Variants in KLRB1 observed in about 807,000 individuals in gnomAD.
KLRB1 encodes killer cell lectin-like receptor subfamily B member 1.
Under a neutral mutation model 33.5 loss-of-function variants are expected in KLRB1, and 27 were observed. That is an observed-to-expected ratio of 0.81 (90% CI 0.59 to 1.11). The LOEUF (loss-of-function observed/expected upper bound fraction) is 1.11. Ranked by LOEUF, KLRB1 falls within the 50% of genes most tolerant of loss-of-function variation. The probability of loss-of-function intolerance (pLI) is 0.00; values close to 1 mark genes in which losing one functional copy is unlikely to be tolerated. For missense variants in KLRB1, 241 were observed against 254.1 expected (o/e 0.95, Z 0.35); for synonymous variants, 64 against 88.9 (o/e 0.72, Z 1.58).
rs1395647442 is a variant in KLRB1 at position 9,601,595 on chromosome 12, G to C, written c.90C>G (p.Val30=). 2 of 1,606,580 alleles carry C rather than the reference G, an allele frequency of 1.2e-6. No individual in the cohort carries two copies. Among genetic ancestry groups the C allele is most frequent in the African/African-American group, 2.7e-5 (2 of 74,700 alleles). Residue 30 remains valine (V), a synonymous_variant, in exon 2 of 6, where the codon GTC becomes GTG. Transcript: ENST00000229402. The stretch of plus-strand genomic sequence containing the variant: ...ATTGATGCCAAGGTGAACCCTGACA[G>C]ACATCTGAAAAGTTAAAAAGAAAAA... ...SSSPSSLPRD[V]CQGSPWHQFA...
At chr12:9,600,400 T>C (rs1864527940) in intron 2 of KLRB1, among the ~76,000 whole-genome samples, 3 of 152,144 alleles carry the variant, frequency 2.0e-5, no homozygotes, top group African/African-American at 7.2e-5. Flanking sequence ...GTTAGAAACA[T>C]TGTTTCATGA....
At chr12:9,607,250 C>CTCTTTTTCTCTT (rs1555097684) in intron 1 of KLRB1, among the ~76,000 whole-genome samples, 2 of 122,372 alleles carry the variant, frequency 1.6e-5, no homozygotes, top group African/African-American at 2.9e-5. Context: ...CTTCCTCCTT[C>CTCTTTTTCTCTT]TCTTTTTCTT....
rs1864477732 is a variant in KLRB1, at chr12:9,594,883, T to G, written c.*391A>C. The G allele has an allele frequency of 6.0e-6, 1 of 165,748 alleles. No homozygotes were observed. 10.3% of individuals were successfully genotyped at this position (165,748 alleles called of 1,614,324 possible). A position where few individuals can be genotyped will look rare whatever the true frequency, so the allele number is the denominator to read the frequency against. On this transcript the variant is annotated 3_prime_UTR_variant, in exon 6 of 6. Coordinates refer to ENST00000229402, the MANE Select transcript of KLRB1 (RefSeq NM_002258.3). ...TTTTCTTGCCCTTGTATGACTCGGA[T>G]AGCCCTCCCAGAGGAATCTTCACGG... is the stretch of plus-strand genomic sequence containing the variant.
chr12:9,606,023 AT>A (rs918704057), intron 1 of KLRB1, among the ~76,000 whole-genome samples: 4 of 152,126 alleles, frequency 2.6e-5, no homozygotes, highest in African/African-American at 9.7e-5. Context: ...TTAAAAAAAA[AT>A]GTTACTCAAC....
intron 1 of KLRB1, among the ~76,000 whole-genome samples, chr12:9,607,355 C>CCTTCCTTT (rs1864625911): frequency 2.1e-4 from 11 of 52,770 alleles, no homozygotes; most frequent in African/African-American, 3.6e-4. Flanking sequence ...TTTCTTTCTT[C>CCTTCCTTT]CTTTCTTTCT....
intron 1 of KLRB1, among the ~76,000 whole-genome samples, chr12:9,606,714 ATAAAATATATGTATAAAAAG>A (rs1864606004): frequency 5.0e-5 from 2 of 39,924 alleles, no homozygotes; most frequent in African/African-American, 3.1e-4. Context: ...TATAAAATAT[ATAAAATATATGTATAAAAAG>A]TATATATATA....
intron 4 of KLRB1, 109 bp downstream of exon 4, chr12:9,598,390 G>T: frequency 1.0e-6 from 1 of 965,808 alleles, no homozygotes; most frequent in Non-Finnish European, 1.6e-6. Context: ...AAATTGTGAA[G>T]TCAAAGTCAT....
Position 9,607,793 on chromosome 12 carries a change from G to A in KLRB1, c.47C>T (p.Ser16Leu), listed in dbSNP as rs910502797. The A allele has an allele frequency of 2.5e-6, 4 of 1,613,812 alleles. No homozygotes were observed. In the Admixed American group the frequency reaches 6.7e-5, roughly 27 times the overall value. The change falls in exon 1 of 6, where the codon TCA becomes TTA. Residue 16 changes from serine (S) to leucine (L), a missense_variant. Ser to Leu is a moderately radical substitution (Grantham distance 145, BLOSUM62 -2). Coordinates refer to ENST00000229402, the MANE Select transcript of KLRB1 (RefSeq NM_002258.3). ...IYAELNLPTDSGPESSSPSSL... is the reference protein window; with the variant it reads ...IYAELNLPTDLGPESSSPSSL... ...TGAAGGTGAAGAACTTTCTGGGCCT[G>A]AGTCTGTGGGTAAGTTTAACTCAGC...
chr12:9,607,910 CAAAA>C lies in KLRB1; in HGVS notation c.-75_-72del, dbSNP rs1864643422. The C allele has an allele frequency of 9.6e-7, 1 of 1,042,896 alleles. No individual in the cohort carries two copies. Among genetic ancestry groups the C allele is most frequent in the South Asian group, 1.3e-5 (1 of 78,462 alleles). 64.6% of individuals were successfully genotyped at this position (1,042,896 alleles called of 1,614,324 possible). On this transcript the variant is annotated 5_prime_UTR_variant, in exon 1 of 6. Coordinates refer to ENST00000229402, the MANE Select transcript of KLRB1 (RefSeq NM_002258.3). Reference sequence around the variant, plus strand: ...TCTCAATTCTGTGAGGCAAAATCAGCAAAAGGAAGCTTTCTGCCTGCAGTACTTT... The same window carrying C: ...TCTCAATTCTGTGAGGCAAAATCAGCGGAAGCTTTCTGCCTGCAGTACTTT...
intron 1 of KLRB1, among the ~76,000 whole-genome samples, chr12:9,607,339 T>TCTTTCTTTCTTCCTTC (rs1864623198): frequency 5.1e-4 from 31 of 61,232 alleles, no homozygotes; most frequent in African/African-American, 9.1e-4. Flanking sequence ...TTCTTTCCTT[T>TCTTTCTTTCTTCCTTC]CTTTCTTTCT....
intron 1 of KLRB1, among the ~76,000 whole-genome samples, chr12:9,606,754 A>ATTTTTTTTTTTTTT (rs1414913660): frequency 3.9e-5 from 1 of 25,420 alleles, no homozygotes; most frequent in Non-Finnish European, 7.4e-5. Context: ...ATATATATAT[A>ATTTTTTTTTTTTTT]TATATATTTT....
chr12:9,607,371 T>C (rs941914440), intron 1 of KLRB1, among the ~76,000 whole-genome samples: 20 of 78,402 alleles, frequency 2.6e-4, no homozygotes, highest in East Asian at 3.8e-4. Context: ...TTTCTTTCTT[T>C]CTTTCTTTCT....
In KLRB1 at chr12:9,598,204, C is replaced by T. The variant is rs781326089; in HGVS notation, c.415-43G>A. The T allele has an allele frequency of 5.8e-5, 74 of 1,281,562 alleles. No individual in the cohort carries two copies. In the East Asian group the frequency reaches 1.7e-3, roughly 29 times the overall value. The allele number at this position is 1,281,562 out of a possible 1,614,324, so 79.4% of individuals were successfully genotyped here. ...AAATATTGAATCTGCTTATCTATTC[C>T]TGGTTTGATCCCCTAAAACCTAGTT... On this transcript the variant is annotated intron_variant, in intron 4 of 5. Transcript: ENST00000229402.
chr12:9,597,536 A>C (rs1864503170), intron 5 of KLRB1, among the ~76,000 whole-genome samples: 1 of 152,170 alleles, frequency 6.6e-6, no homozygotes, highest in Admixed American at 6.6e-5. Flanking sequence ...TGTTTTCATC[A>C]CATCGTCTCA....
rs1555097796 is a variant in KLRB1, at chr12:9,607,355, C to CTTT, written c.85+399_85+400insAAA. 6.9e-3 allele frequency among the ~76,000 whole-genome samples: 362 copies of CTTT among 52,746 alleles called. 18 individuals are homozygous for CTTT. Among genetic ancestry groups the CTTT allele is most frequent in the African/African-American group, 0.017 (323 of 19,434 alleles). 34.6% of individuals were successfully genotyped at this position (52,746 alleles called of 152,430 possible). On this transcript the variant is annotated intron_variant, in intron 1 of 5. Transcript: ENST00000229402. The stretch of plus-strand genomic sequence containing the variant: ...TCTTTCCTTTCTTTCTTTCTTTCTT[C>CTTT]CTTTCTTTCTTTCTTTCTTTCTTTC...
chr12:9,606,789 C>G (rs2120727220), intron 1 of KLRB1, among the ~76,000 whole-genome samples: 1 of 106,302 alleles, frequency 9.4e-6, no homozygotes, highest in Non-Finnish European at 1.9e-5. Flanking sequence ...GATAGTCTTG[C>G]TGTGTCACCC....
At chr12:9,607,602 T>C (rs1221412518) in intron 1 of KLRB1, 153 bp downstream of exon 1, 3 of 579,276 alleles carry the variant, frequency 5.2e-6, no homozygotes, top group Non-Finnish European at 9.3e-6. Flanking sequence ...CCCAAAGTTG[T>C]GATTATCTAC....
intron 1 of KLRB1, among the ~76,000 whole-genome samples, chr12:9,607,286 CTTTTT>C (rs1184517326): frequency 4.2e-5 from 5 of 119,850 alleles, no homozygotes; most frequent in African/African-American, 1.4e-4. Context: ...CTCTCTCTTT[CTTTTT>C]CTTTCTCTCC....
intron 1 of KLRB1, among the ~76,000 whole-genome samples, chr12:9,607,424 T>C (rs146658836): frequency 6.8e-6 from 1 of 148,130 alleles, no homozygotes; most frequent in Non-Finnish European, 1.5e-5. Context: ...TTTCTTTCTT[T>C]CTTCCTTCTT....
Sources: gnomAD v4.1 joint callset for allele counts (sites outside exome capture counted in the v4.1 genomes callset) on GRCh38, gnomAD v4.1.1 for gene constraint, MANE v1.5 for transcripts, NCBI Gene and HGNC (gene_info 2026-07-23, HGNC 2026-07-21) for gene names.